The following WWC2 variants were observed in gnomAD, a reference collection of about 807,000 sequenced individuals.
WWC2 encodes WW and C2 domain containing 2.
WWC2 carries 101 observed loss-of-function variants against 138.5 expected under a neutral mutation model. That is an observed-to-expected ratio of 0.73 (90% CI 0.62 to 0.86). WWC2 has a LOEUF of 0.86. Among genes scored for constraint, WWC2 ranks in the 40% least tolerant of loss-of-function variants. WWC2 has a pLI of 0.00. For missense variants in WWC2, 1,420 were observed against 1,419.4 expected, an observed-to-expected ratio of 1.00 and a Z score of -0.01; for synonymous variants, 558 against 538.4, an observed-to-expected ratio of 1.04 and a Z score of -0.50.
intron 4 of WWC2, among the ~76,000 whole-genome samples, chr4:183,214,185 G>A (rs971040067): frequency 2.6e-5 from 4 of 152,136 alleles, no homozygotes; most frequent in Non-Finnish European, 4.4e-5. Context: ...TATTTGCACC[G>A]CATTCCAAAC....
intron 14 of WWC2, among the ~76,000 whole-genome samples, chr4:183,267,820 C>A (rs1366480756): frequency 6.6e-6 from 1 of 152,158 alleles, no homozygotes. Flanking sequence ...AGCAATCTTT[C>A]CTTAAACCCA....
At chr4:183,220,808 T>C (rs1191327978) in intron 4 of WWC2, among the ~76,000 whole-genome samples, 6 of 147,254 alleles carry the variant, frequency 4.1e-5, no homozygotes, top group Non-Finnish European at 7.4e-5. Context: ...CACCCCAGCC[T>C]GGGCGACAGA....
At chr4:183,268,743 G>A (rs1737589439) in intron 14 of WWC2, among the ~76,000 whole-genome samples, 1 of 152,194 alleles carries the variant, frequency 6.6e-6, no homozygotes, top group Non-Finnish European at 1.5e-5. Context: ...GTCTCGTGGT[G>A]AGTGGAGGCT....
At chr4:183,127,198 A>T (rs1732785794) in intron 1 of WWC2, among the ~76,000 whole-genome samples, 1 of 152,146 alleles carries the variant, frequency 6.6e-6, no homozygotes, top group African/African-American at 2.4e-5. Flanking sequence ...AAACGTATAA[A>T]ATTATTCCTT....
Position 183,114,067 on chromosome 4 carries a change from G to A in WWC2, c.131+14445G>A, listed in dbSNP as rs372819399. On this transcript the variant is annotated intron_variant, in intron 1 of 22. Coordinates refer to ENST00000403733, the MANE Select transcript of WWC2 (RefSeq NM_024949.6). ...TATAGGTGTGATAGAGTTTGAATATGTGTCCCCACTATTGTAATTTGTAAT... is the reference window on the plus strand; with the variant it reads ...TATAGGTGTGATAGAGTTTGAATATATGTCCCCACTATTGTAATTTGTAAT... Among the ~76,000 whole-genome samples the A allele has an allele frequency of 1.2e-4, 18 of 152,246 alleles. 1 individual carries two copies. Among genetic ancestry groups the A allele is most frequent in the South Asian group, 4.1e-4 (2 of 4,826 alleles).
chr4:183,170,667 G>T (rs939968252), intron 1 of WWC2, among the ~76,000 whole-genome samples: 17 of 152,074 alleles, frequency 1.1e-4, no homozygotes, highest in Admixed American at 9.2e-4. Context: ...ACAGGGAAGA[G>T]AAATAAATAG....
Position 183,134,696 on chromosome 4 carries a change from A to G in WWC2, c.131+35074A>G, listed in dbSNP as rs990944845. 6.6e-5 allele frequency among the ~76,000 whole-genome samples: 10 copies of G among 152,150 alleles called. No homozygotes were observed. In the East Asian group the frequency reaches 1.5e-3, roughly 24 times the overall value. On this transcript the variant is annotated intron_variant, in intron 1 of 22. Transcript: ENST00000403733. Reference sequence around the variant, plus strand: ...ATTCTCATGATTTTTGCTTTATATGATAATTTGTTAGTAGGTACGTGCAAA... The same window carrying G: ...ATTCTCATGATTTTTGCTTTATATGGTAATTTGTTAGTAGGTACGTGCAAA...
Position 183,236,699 on chromosome 4 carries a change from A to G in WWC2, c.523-3484A>G, listed in dbSNP as rs144818543. The stretch of plus-strand genomic sequence containing the variant: ...TATTTAGTTTGCTTTAACAATTTGA[A>G]GTCAGGTAATGTGATTCAGTTTTGC... On this transcript the variant is annotated intron_variant, in intron 4 of 22. Transcript: ENST00000403733. 3.0e-3 allele frequency among the ~76,000 whole-genome samples: 451 copies of G among 152,334 alleles called. 4 individuals carry two copies. The highest frequency in any genetic ancestry group is 5.0e-3 in the Non-Finnish European group (343 of 68,034).
At chr4:183,179,244 A>C (rs1330197996) in intron 1 of WWC2, among the ~76,000 whole-genome samples, 1 of 152,160 alleles carries the variant, frequency 6.6e-6, no homozygotes, top group Non-Finnish European at 1.5e-5. Flanking sequence ...TGAAGAGAGG[A>C]GTGTGAGAAC....
intron 4 of WWC2, among the ~76,000 whole-genome samples, chr4:183,214,477 A>G (rs1458176795): frequency 6.6e-6 from 1 of 152,162 alleles, no homozygotes; most frequent in Non-Finnish European, 1.5e-5. Flanking sequence ...AGCAAAAATC[A>G]TATCAGTATT....
intron 2 of WWC2, among the ~76,000 whole-genome samples, chr4:183,203,065 G>C (rs1359576357): frequency 2.6e-5 from 4 of 152,032 alleles, no homozygotes; most frequent in Non-Finnish European, 4.4e-5. Context: ...TTTGAACCCA[G>C]TTAGACTGAA....
chr4:183,271,121 T>A lies in WWC2; in HGVS notation c.2442T>A (p.Ser814Arg). The change falls in exon 16 of 23, where the codon AGT becomes AGA. Residue 814 changes from serine to arginine, a missense_variant. Transcript: ENST00000403733. ...GCCTGGCAGATTTACCATTTTCCAG[T>A]GAGGTTTTCACTCTATGGTATAACT... is the stretch of plus-strand genomic sequence containing the variant. ...QISLADLPFSSEVFTLWYNLL... is the reference protein window; with the variant it reads ...QISLADLPFSREVFTLWYNLL... 1.2e-6 allele frequency: 2 copies of A among 1,609,704 alleles called. No individual in the cohort carries two copies. The highest frequency in any genetic ancestry group is 2.2e-5 in the South Asian group (2 of 90,038).
At chr4:183,174,549 C>G (rs1272684878) in intron 1 of WWC2, among the ~76,000 whole-genome samples, 2 of 152,190 alleles carry the variant, frequency 1.3e-5, no homozygotes, top group Non-Finnish European at 2.9e-5. Flanking sequence ...TTTAAAAAAT[C>G]CCCTTTCTGC....
chr4:183,300,359 A>G (rs1314382763), intron 21 of WWC2, among the ~76,000 whole-genome samples: 1 of 145,276 alleles, frequency 6.9e-6, no homozygotes, highest in African/African-American at 2.6e-5. Context: ...TTTTTTTTCC[A>G]TAGAGTGTTT....
intron 1 of WWC2, among the ~76,000 whole-genome samples, chr4:183,103,118 C>A (rs1743231685): frequency 6.6e-6 from 1 of 151,988 alleles, no homozygotes; most frequent in East Asian, 1.9e-4. Context: ...TCCATTAAAA[C>A]CCACTGATAG....
chr4:183,135,169 T>C (rs1025364126), intron 1 of WWC2, among the ~76,000 whole-genome samples: 1 of 152,162 alleles, frequency 6.6e-6, no homozygotes, highest in Non-Finnish European at 1.5e-5. Flanking sequence ...TCCACCCACC[T>C]AGACCTCCCA....
chr4:183,310,636 G>T (rs1215165698), intron 21 of WWC2, among the ~76,000 whole-genome samples: 1 of 150,116 alleles, frequency 6.7e-6, no homozygotes, highest in Non-Finnish European at 1.5e-5. Context: ...GAGTAGTTGG[G>T]ACCACAGGCA....
At chr4:183,266,350 CCAGT>C (rs1217086150) in intron 14 of WWC2, among the ~76,000 whole-genome samples, 2 of 152,058 alleles carry the variant, frequency 1.3e-5, no homozygotes, top group African/African-American at 4.8e-5. Context: ...TACAACATTG[CCAGT>C]CAAACATTTT....
chr4:183,115,803 G>C (rs1732391881), intron 1 of WWC2, among the ~76,000 whole-genome samples: 1 of 152,146 alleles, frequency 6.6e-6, no homozygotes, highest in Non-Finnish European at 1.5e-5. Flanking sequence ...AGGTTACTCT[G>C]TTGATAGTTT....
Sources: gnomAD v4.1 joint callset for allele counts (sites outside exome capture counted in the v4.1 genomes callset) on GRCh38, gnomAD v4.1.1 for gene constraint, MANE v1.5 for transcripts, NCBI Gene and HGNC (gene_info 2026-07-23, HGNC 2026-07-21) for gene names.